ADGRV1: variants seen among roughly 807,000 people sequenced by gnomAD.
The protein encoded by ADGRV1 is adhesion G protein-coupled receptor V1.
In ADGRV1, 359 loss-of-function variants were observed where a neutral mutation model predicts 596.2. The ratio of observed to expected loss-of-function variants is 0.60; its 90% CI spans 0.55 to 0.66. ADGRV1 has a LOEUF of 0.66. Ranked by LOEUF, ADGRV1 falls within the 30% of genes least tolerant of loss-of-function variation. The probability of loss-of-function intolerance (pLI) is 0.00; values close to 1 mark genes in which losing one functional copy is unlikely to be tolerated. For synonymous variants in ADGRV1, 2,681 were observed against 2,679.2 expected (o/e 1.00, Z -0.02); for missense variants, 7,274 against 7,575.6 (o/e 0.96, Z 1.48).
chr5:91,162,768 A>G (rs1359663628), intron 89 of ADGRV1, among the ~76,000 whole-genome samples: 1 of 152,182 alleles, frequency 6.6e-6, no homozygotes, highest in African/African-American at 2.4e-5. Context: ...CCATCTCCAG[A>G]TAGGCTAAGA....
At chr5:90,590,111 C>T (rs115424815) in intron 1 of ADGRV1, among the ~76,000 whole-genome samples, 8,249 of 152,012 alleles carry the variant, frequency 0.054, 731 homozygotes, top group African/African-American at 0.19. Flanking sequence ...TAAAATGACA[C>T]GTTTTGTTGT....
chr5:90,721,453 G>A (rs896490615), intron 45 of ADGRV1, among the ~76,000 whole-genome samples: 6 of 151,022 alleles, frequency 4.0e-5, no homozygotes, highest in South Asian at 2.1e-4. Flanking sequence ...GCAGTGAGCC[G>A]AGATCGTGCC....
At chr5:90,854,529 T>C (rs1222153451) in intron 81 of ADGRV1, among the ~76,000 whole-genome samples, 1 of 152,218 alleles carries the variant, frequency 6.6e-6, no homozygotes, top group Non-Finnish European at 1.5e-5. Context: ...ATTCCTTCTT[T>C]TACCCTTTCC....
chr5:90,665,567 C>T (rs917805148), intron 21 of ADGRV1, among the ~76,000 whole-genome samples: 1 of 151,134 alleles, frequency 6.6e-6, no homozygotes, highest in Non-Finnish European at 1.5e-5. Context: ...AAAACCAGCT[C>T]CTGGATTCAT....
intron 87 of ADGRV1, among the ~76,000 whole-genome samples, chr5:91,149,271 T>C (rs1280573504): frequency 1.3e-5 from 2 of 152,246 alleles, no homozygotes; most frequent in Non-Finnish European, 2.9e-5. Flanking sequence ...CAACTCACCT[T>C]GAATTATAAT....
rs372874315 is a variant in ADGRV1 at position 90,558,934 on chromosome 5, G to A, written c.22+17G>A. ...TGGGGCCAGGTAGGCTATGGCTGAG[G>A]GGTGGTGCTGCGAGCATCGCTGAGC... On this transcript the variant is annotated intron_variant, in intron 1 of 89. Transcript: ENST00000405460. 16 of 1,553,380 alleles carry A rather than the reference G, an allele frequency of 1.0e-5. No individual in the cohort carries two copies. The African/African-American group carries it at 2.0e-4, about 20-fold the overall frequency.
At chr5:90,884,260 A>G (rs1179550341) in intron 83 of ADGRV1, among the ~76,000 whole-genome samples, 1 of 152,156 alleles carries the variant, frequency 6.6e-6, no homozygotes, top group African/African-American at 2.4e-5. Flanking sequence ...TGCAAAAACT[A>G]AAAATGTCTC....
At position 91,060,130 on chromosome 5, in the gene ADGRV1, T is replaced by G. The variant is rs866082641; in HGVS notation, c.18153-12317T>G. On this transcript the variant is annotated intron_variant, in intron 85 of 89. Transcript: ENST00000405460. ...ACTTAAGATAATAACCTTAAAATGA[T>G]GGACATATAACCTCATCTACTCACA... Among the ~76,000 whole-genome samples, 90 of 152,158 alleles carry G rather than the reference T, an allele frequency of 5.9e-4. 1 individual carries two copies. Among genetic ancestry groups the G allele is most frequent in the Admixed American group, 6.5e-4 (10 of 15,272 alleles).
intron 86 of ADGRV1, among the ~76,000 whole-genome samples, chr5:91,081,700 G>A (rs1789399245): frequency 6.6e-6 from 1 of 152,100 alleles, no homozygotes; most frequent in Non-Finnish European, 1.5e-5. Context: ...GCAGGAAAAT[G>A]TCTTGAACCC....
intron 50 of ADGRV1, among the ~76,000 whole-genome samples, chr5:90,742,728 G>A (rs1192357519): frequency 6.6e-6 from 1 of 152,170 alleles, no homozygotes; most frequent in Non-Finnish European, 1.5e-5. Context: ...CTTTAGAGAT[G>A]TTGAAAGATG....
At chr5:90,732,836 A>T (rs896162471) in intron 50 of ADGRV1, among the ~76,000 whole-genome samples, 4 of 152,248 alleles carry the variant, frequency 2.6e-5, no homozygotes, top group Non-Finnish European at 4.4e-5. Flanking sequence ...CAGCATTATT[A>T]TGAAAACAGC....
intron 85 of ADGRV1, among the ~76,000 whole-genome samples, chr5:91,059,657 C>T (rs1364932970): frequency 6.6e-6 from 1 of 152,026 alleles, no homozygotes; most frequent in Non-Finnish European, 1.5e-5. Flanking sequence ...GTGTCATTTC[C>T]CCCTCAATAT....
intron 75 of ADGRV1, among the ~76,000 whole-genome samples, chr5:90,816,959 T>C (rs1185635163): frequency 3.9e-5 from 6 of 152,038 alleles, no homozygotes; most frequent in Non-Finnish European, 7.4e-5. Flanking sequence ...ATGGTATTTC[T>C]AGTTCTAGAT....
At chr5:90,666,026 A>G (rs1470399917) in intron 21 of ADGRV1, among the ~76,000 whole-genome samples, 1 of 151,612 alleles carries the variant, frequency 6.6e-6, no homozygotes, top group East Asian at 1.9e-4. Context: ...GGAGAGCTTT[A>G]CTTCCAAGTA....
At chr5:91,068,825 A>G (rs1290186144) in intron 85 of ADGRV1, among the ~76,000 whole-genome samples, 2 of 152,128 alleles carry the variant, frequency 1.3e-5, no homozygotes. Context: ...AAATAGCCTG[A>G]ATAGCCAAAG....
At chr5:90,905,680 G>C (rs1489564051) in intron 83 of ADGRV1, among the ~76,000 whole-genome samples, 1 of 151,988 alleles carries the variant, frequency 6.6e-6, no homozygotes, top group African/African-American at 2.4e-5. Flanking sequence ...TTGCAAACAA[G>C]GATAATTTGA....
chr5:90,640,902 A>C (rs1301252565), intron 11 of ADGRV1: 1 of 152,294 alleles, frequency 6.6e-6, no homozygotes, highest in Non-Finnish European at 1.5e-5. Context: ...GTTTTTGGTG[A>C]TTCAGTATTT....
chr5:90,650,322 A>T (rs1768406303), intron 17 of ADGRV1, among the ~76,000 whole-genome samples: 1 of 152,254 alleles, frequency 6.6e-6, no homozygotes, highest in Non-Finnish European at 1.5e-5. Context: ...ATGTTTCATT[A>T]CAAATGCATA....
chr5:90,643,131 GAGAC>G (rs1207958985), intron 13 of ADGRV1, 90 bp downstream of exon 13: 2 of 1,174,068 alleles, frequency 1.7e-6, no homozygotes, highest in Non-Finnish European at 1.2e-6. Context: ...TATTGGCAAA[GAGAC>G]AGGAAAGAGG....
Sources: gnomAD v4.1 joint callset for allele counts (sites outside exome capture counted in the v4.1 genomes callset) on GRCh38, gnomAD v4.1.1 for gene constraint, MANE v1.5 for transcripts, NCBI Gene and HGNC (gene_info 2026-07-23, HGNC 2026-07-21) for gene names.